Variants in PLAGL1 observed in about 807,000 individuals in gnomAD.
PLAGL1 encodes PLAG1 like zinc finger 1, also known as zinc finger protein PLAGL1.
In PLAGL1, 1 loss-of-function variant was observed where a neutral mutation model predicts 4.6. The ratio of observed to expected loss-of-function variants is 0.22; its 90% confidence interval spans 0.08 to 1.03. The LOEUF (loss-of-function observed/expected upper bound fraction) is 1.03, where lower values mean the gene tolerates loss of function less well. Ranked by LOEUF, PLAGL1 falls within the 50% of genes least tolerant of loss-of-function variation. The probability of loss-of-function intolerance (pLI) is 0.58; values close to 1 mark genes in which losing one functional copy is unlikely to be tolerated. For missense variants in PLAGL1, 464 were observed against 570.4 expected (o/e 0.81, Z 1.90); for synonymous variants, 240 against 237.8 (o/e 1.01, Z -0.08).
At position 143,994,096 on chromosome 6, in the gene PLAGL1, T is replaced by A. The variant is rs955667928; in HGVS notation, c.-583-8922A>T. Among the ~76,000 whole-genome samples the A allele has an allele frequency of 6.6e-6, 1 of 151,352 alleles. No individual in the cohort carries two copies. Among genetic ancestry groups the A allele is most frequent in the Admixed American group, 6.6e-5 (1 of 15,222 alleles). ...GCAAGGCCAGTACTTCTGAAAATGA[T>A]GAACAAGAAGGTAGAATCAGGGCCT... is the stretch of plus-strand genomic sequence containing the variant. On this transcript the variant is annotated intron_variant, in intron 1 of 7. Transcript: ENST00000674357. The surrounding 1 kb of genome is among the most constrained non-coding windows in gnomAD (Gnocchi z 4.3).
In PLAGL1 at chr6:144,005,287, A is replaced by C. The variant is rs1468960978; in HGVS notation, c.-584+2803T>G. On this transcript the variant is annotated intron_variant, in intron 1 of 7. Transcript: ENST00000674357. The surrounding 1 kb of genome is among the most constrained non-coding windows in gnomAD (Gnocchi z 4.6). ...GAAGAAAAAATATCACAATGAAAAA[A>C]TCTTAAATTCTTAGAACTGAACAAT... The C allele has an allele frequency of 6.6e-6, 1 of 152,308 alleles. No homozygotes were observed. The highest frequency in any genetic ancestry group is 2.1e-4 in the South Asian group (1 of 4,828). The allele number at this position is 152,308 out of a possible 1,614,324, so 9.4% of individuals were successfully genotyped here.
chr6:143,942,696 A>T lies in PLAGL1; in HGVS notation c.153-33T>A. On this transcript the variant is annotated intron_variant, in intron 7 of 7. Transcript: ENST00000674357. This position sits in a 1 kb window ranked among gnomAD's most constrained non-coding sequence, Gnocchi z 7.6. ...CAGAAGGAGAAATTTCACAATAGAG[A>T]GTTGTTTTAAGAGCTGAAGAAAGGT... is the stretch of plus-strand genomic sequence containing the variant. The T allele has an allele frequency of 3.9e-6, 6 of 1,537,820 alleles. No homozygotes were observed. The South Asian group carries it at 7.1e-5, about 18-fold the overall frequency.
chr6:143,962,698 C>A lies in PLAGL1; in HGVS notation c.-399+2089G>T, dbSNP rs558882374. Among the ~76,000 whole-genome samples the A allele has an allele frequency of 2.0e-5, 3 of 152,216 alleles. No individual in the cohort carries two copies. Among genetic ancestry groups the A allele is most frequent in the Admixed American group, 6.5e-5 (1 of 15,280 alleles). ...GCCGCCTGCTGGGCATTCACTGAAACCCACATTGAACAAAGGGATTTCCTT... is the reference window on the plus strand; with the variant it reads ...GCCGCCTGCTGGGCATTCACTGAAAACCACATTGAACAAAGGGATTTCCTT... On this transcript the variant is annotated intron_variant, in intron 5 of 7. Coordinates refer to ENST00000674357, the MANE Select transcript of PLAGL1 (RefSeq NM_001317162.2). This position sits in a 1 kb window ranked among gnomAD's most constrained non-coding sequence, Gnocchi z 5.3.
rs1449593097 is a variant in PLAGL1 at position 143,959,637 on chromosome 6, T to C, written c.-325+832A>G. The stretch of plus-strand genomic sequence containing the variant: ...TGCTATTCCAATAATTTCCATCTCA[T>C]AGCCCTAAGAGATAGGTAGAAGGGC... On this transcript the variant is annotated intron_variant, in intron 6 of 7. Transcript: ENST00000674357. The surrounding 1 kb of genome is among the most constrained non-coding windows in gnomAD (Gnocchi z 5.3). 6.6e-6 allele frequency among the ~76,000 whole-genome samples: 1 copy of C among 152,206 alleles called. No individual in the cohort carries two copies. Among genetic ancestry groups the C allele is most frequent in the South Asian group, 2.1e-4 (1 of 4,828 alleles).
At chr6:144,045,381 G>A (rs1251936738) in intron 1 of PLAGL1, among the ~76,000 whole-genome samples, 1 of 152,068 alleles carries the variant, frequency 6.6e-6, no homozygotes, top group African/African-American at 2.4e-5. Context: ...CAGGCCTGGT[G>A]GTGACAAAAA....
Position 144,063,674 on chromosome 6 carries a change from C to A in PLAGL1, c.-151+794G>T, listed in dbSNP as rs1799606965. On this transcript the variant is annotated intron_variant, in intron 1 of 3. Transcript: ENST00000437412. The surrounding 1 kb of genome is among the most constrained non-coding windows in gnomAD (Gnocchi z 5.7). ...GGCTTTTTCAATAAAATGAACAGGT[C>A]CCGCGCTCCTAGACCCATGAACACT... Among the ~76,000 whole-genome samples, 1 of 152,200 alleles carries A rather than the reference C, an allele frequency of 6.6e-6. No individual in the cohort carries two copies. The highest frequency in any genetic ancestry group is 1.5e-5 in the Non-Finnish European group (1 of 68,030).
At chr6:144,021,455 TA>T (rs1489511019) in intron 1 of PLAGL1, among the ~76,000 whole-genome samples, 2 of 152,326 alleles carry the variant, frequency 1.3e-5, no homozygotes, top group Admixed American at 1.3e-4. Context: ...TTCTGCCCTT[TA>T]GGGGACATTT....
chr6:144,020,537 C>T (rs992906899), intron 1 of PLAGL1, among the ~76,000 whole-genome samples: 7 of 151,988 alleles, frequency 4.6e-5, no homozygotes, highest in African/African-American at 1.2e-4. Flanking sequence ...CCACCCACCT[C>T]GGCCTTCCAA....
rs1471974121 is a variant in PLAGL1, at chr6:144,022,183, T to G, written c.-151+42285A>C. 1.3e-5 allele frequency among the ~76,000 whole-genome samples: 2 copies of G among 152,076 alleles called. No individual in the cohort carries two copies. Among genetic ancestry groups the G allele is most frequent in the Non-Finnish European group, 2.9e-5 (2 of 68,002 alleles). ...TTATATTAAATATACAAAGAACACT[T>G]AAAACTAACCAATAAAAACAATCAA... is the stretch of plus-strand genomic sequence containing the variant. On this transcript the variant is annotated intron_variant, in intron 1 of 3. Coordinates refer to the PLAGL1 transcript ENST00000437412. This position sits in a 1 kb window ranked among gnomAD's most constrained non-coding sequence, Gnocchi z 4.2.
At chr6:144,009,993 C>A (rs993194676), upstream of PLAGL1, among the ~76,000 whole-genome samples, 3 of 152,130 alleles carry the variant, frequency 2.0e-5, no homozygotes, top group African/African-American at 7.2e-5. Flanking sequence ...GTGCATGTGT[C>A]TTTACAGTAG....
At chr6:144,030,160 C>T (rs566653922) in intron 1 of PLAGL1, among the ~76,000 whole-genome samples, 12 of 139,694 alleles carry the variant, frequency 8.6e-5, no homozygotes, top group Admixed American at 3.2e-4. Flanking sequence ...GAAGCTGAGG[C>T]AGGAGAATGG....
At chr6:143,976,051 G>A (rs1786447603) in intron 2 of PLAGL1, among the ~76,000 whole-genome samples, 1 of 152,148 alleles carries the variant, frequency 6.6e-6, no homozygotes, top group Non-Finnish European at 1.5e-5. Context: ...GTGGTAAACA[G>A]CAAACCTTAT....
rs66600044 is a variant in PLAGL1, at chr6:143,965,548, T to A, written c.-431+610A>T. ...AGTGCCCTGTTGCAGAGGCAGAGAT[T>A]GCCAAGATGGTCTCCTTGGGGTTTG... On this transcript the variant is annotated intron_variant, in intron 4 of 7. Coordinates refer to ENST00000674357, the MANE Select transcript of PLAGL1 (RefSeq NM_001317162.2). This position sits in a 1 kb window ranked among gnomAD's most constrained non-coding sequence, Gnocchi z 7.5. The A allele has an allele frequency of 0.024, 3,612 of 152,310 alleles. 63 individuals are homozygous for A. Among genetic ancestry groups the A allele is most frequent in the Non-Finnish European group, 0.039 (2,665 of 68,046 alleles). The allele number at this position is 152,310 out of a possible 1,614,324, so 9.4% of individuals were successfully genotyped here. A position where few individuals can be genotyped will look rare whatever the true frequency, so the allele number is the denominator to read the frequency against.
At position 143,985,966 on chromosome 6, in the gene PLAGL1, TTATATATATATAAAATTATATATATATA is replaced by T. The variant is rs1377568950; in HGVS notation, c.-583-820_-583-793del. Among the ~76,000 whole-genome samples, 2 of 107,882 alleles carry T rather than the reference TTATATATATATAAAATTATATATATATA, an allele frequency of 1.9e-5. No homozygotes were observed. Among genetic ancestry groups the T allele is most frequent in the Non-Finnish European group, 3.9e-5 (2 of 51,650 alleles). The allele number at this position is 107,882 out of a possible 152,430, so 70.8% of individuals were successfully genotyped here. A position where few individuals can be genotyped will look rare whatever the true frequency, so the allele number is the denominator to read the frequency against. On this transcript the variant is annotated intron_variant, in intron 1 of 7. Coordinates refer to ENST00000674357, the MANE Select transcript of PLAGL1 (RefSeq NM_001317162.2). The surrounding 1 kb of genome is among the most constrained non-coding windows in gnomAD (Gnocchi z 4.4). The stretch of plus-strand genomic sequence containing the variant: ...GATATATATACACATATATATCAAA[TTATATATATATAAAATTATATATATATA>T]TATATATATATATATATCATTTAAT...
chr6:144,050,455 G>T lies in PLAGL1; in HGVS notation c.-151+14013C>A, dbSNP rs1032465360. ...CTCATATGTTATTCTCTTTTCTTCT[G>T]TCTGAGGAGAGAAAGATTCTTCTAC... On this transcript the variant is annotated intron_variant, in intron 1 of 3. Transcript: ENST00000437412. This position sits in a 1 kb window ranked among gnomAD's most constrained non-coding sequence, Gnocchi z 4.3. Among the ~76,000 whole-genome samples, 1 of 152,070 alleles carries T rather than the reference G, an allele frequency of 6.6e-6. No individual in the cohort carries two copies. The highest frequency in any genetic ancestry group is 2.4e-5 in the African/African-American group (1 of 41,404).
chr6:144,059,643 C>T lies in PLAGL1; in HGVS notation c.-151+4825G>A, dbSNP rs1316590964. Among the ~76,000 whole-genome samples, 2 of 152,230 alleles carry T rather than the reference C, an allele frequency of 1.3e-5. No individual in the cohort carries two copies. The highest frequency in any genetic ancestry group is 2.4e-5 in the African/African-American group (1 of 41,454). The stretch of plus-strand genomic sequence containing the variant: ...TATTTAGGAAATGTATTCAGCAAAA[C>T]TATTCAGCAAATAGCTACCACCCAT... On this transcript the variant is annotated intron_variant, in intron 1 of 3. Coordinates refer to the PLAGL1 transcript ENST00000437412. The surrounding 1 kb of genome is among the most constrained non-coding windows in gnomAD (Gnocchi z 4.9).
At position 144,056,074 on chromosome 6, in the gene PLAGL1, T is replaced by C. The variant is rs1798941595; in HGVS notation, c.-151+8394A>G. 6.6e-6 allele frequency among the ~76,000 whole-genome samples: 1 copy of C among 152,060 alleles called. No homozygotes were observed. Among genetic ancestry groups the C allele is most frequent in the South Asian group, 2.1e-4 (1 of 4,816 alleles). The stretch of plus-strand genomic sequence containing the variant: ...ACTCACTTTTCTTTCCCCTCATCCC[T>C]TTCTCCATCCCACCCCCACCTCTGA... On this transcript the variant is annotated intron_variant, in intron 1 of 3. Coordinates refer to the PLAGL1 transcript ENST00000437412. The surrounding 1 kb of genome is among the most constrained non-coding windows in gnomAD (Gnocchi z 4.7).
chr6:144,059,629 T>G lies in PLAGL1; in HGVS notation c.-151+4839A>C, dbSNP rs1056122247. Among the ~76,000 whole-genome samples the G allele has an allele frequency of 3.3e-5, 5 of 152,190 alleles. No homozygotes were observed. Among genetic ancestry groups the G allele is most frequent in the Admixed American group, 3.3e-4 (5 of 15,286 alleles). On this transcript the variant is annotated intron_variant, in intron 1 of 3. Transcript: ENST00000437412. The surrounding 1 kb of genome is among the most constrained non-coding windows in gnomAD (Gnocchi z 4.9). ...AGATATTTTTAATATATTTAGGAAA[T>G]GTATTCAGCAAAACTATTCAGCAAA...
rs1583072328 is a variant in PLAGL1, at chr6:143,947,547, G to T, written c.152+438C>A. 6.6e-6 allele frequency among the ~76,000 whole-genome samples: 1 copy of T among 152,266 alleles called. No homozygotes were observed. The highest frequency in any genetic ancestry group is 1.9e-4 in the East Asian group (1 of 5,186). On this transcript the variant is annotated intron_variant, in intron 7 of 7. Transcript: ENST00000674357. The surrounding 1 kb of genome is among the most constrained non-coding windows in gnomAD (Gnocchi z 4.3). ...ACCCTCTGCACATGGGTGCTTTAAG[G>T]CCAAGACTTATGGCTTTCCCAGAAC...
Sources: gnomAD v4.1 joint callset for allele counts (sites outside exome capture counted in the v4.1 genomes callset) on GRCh38, gnomAD v4.1.1 for gene constraint, Gnocchi (gnomAD v3.1) non-coding constraint, MANE v1.5 for transcripts, NCBI Gene and HGNC (gene_info 2026-07-23, HGNC 2026-07-21) for gene names.